EPHB1: variants seen among roughly 807,000 people sequenced by gnomAD.
The protein encoded by EPHB1 is ephrin type-B receptor 1.
Under a neutral mutation model 94.4 loss-of-function variants are expected in EPHB1, and 30 were observed. The observed-to-expected ratio is 0.32, with a 90% confidence interval of 0.24 to 0.43. The LOEUF (loss-of-function observed/expected upper bound fraction) is 0.43. Among genes scored for constraint, EPHB1 ranks in the 20% least tolerant of loss-of-function variants. The pLI, the probability that EPHB1 is intolerant of heterozygous loss-of-function variation, is 1.00. For missense variants in EPHB1, 1,055 were observed against 1,308.3 expected (o/e 0.81, Z 2.99); for synonymous variants, 522 against 489.1 (o/e 1.07, Z -0.89).
At chr3:135,108,933 C>T (rs1309456064) in intron 4 of EPHB1, among the ~76,000 whole-genome samples, 1 of 152,180 alleles carries the variant, frequency 6.6e-6, no homozygotes, top group Non-Finnish European at 1.5e-5. Flanking sequence ...TGGGAATCAC[C>T]TTCAGTGAGG....
intron 11 of EPHB1, among the ~76,000 whole-genome samples, chr3:135,198,557 G>A (rs1942680900): frequency 6.6e-6 from 1 of 152,022 alleles, no homozygotes; most frequent in Non-Finnish European, 1.5e-5. Context: ...GCTGAGTAGT[G>A]GGCTCCCCAA....
chr3:134,874,625 G>A (rs2037578870), intron 1 of EPHB1, among the ~76,000 whole-genome samples: 1 of 152,350 alleles, frequency 6.6e-6, no homozygotes, highest in East Asian at 1.9e-4. Flanking sequence ...GGGATGGTGG[G>A]TCCTTTGGCT....
intron 1 of EPHB1, 40 bp downstream of exon 1, chr3:134,795,729 G>C (rs2035811654): frequency 1.9e-6 from 3 of 1,593,592 alleles, no homozygotes; most frequent in Non-Finnish European, 2.6e-6. Context: ...TGCTGGTGCC[G>C]GCCGCCTTGG....
At chr3:134,888,706 C>CAAAAA (rs55786916) in intron 1 of EPHB1, among the ~76,000 whole-genome samples, 1 of 109,670 alleles carries the variant, frequency 9.1e-6, no homozygotes. Context: ...GACTCCATCT[C>CAAAAA]AAAAAAAAAA....
At chr3:135,065,636 C>G (rs2107779149) in intron 3 of EPHB1, among the ~76,000 whole-genome samples, 1 of 152,258 alleles carries the variant, frequency 6.6e-6, no homozygotes, top group East Asian at 1.9e-4. Context: ...GAGTTCTTAT[C>G]CATTCTGCAG....
At chr3:135,120,750 C>T (rs1157420061) in intron 4 of EPHB1, among the ~76,000 whole-genome samples, 1 of 152,218 alleles carries the variant, frequency 6.6e-6, no homozygotes, top group East Asian at 1.9e-4. Flanking sequence ...AAGCCAGTGC[C>T]TGGAAGTTAT....
chr3:134,898,352 T>C (rs1450607298), intron 1 of EPHB1, among the ~76,000 whole-genome samples: 1 of 152,180 alleles, frequency 6.6e-6, no homozygotes, highest in Non-Finnish European at 1.5e-5. Flanking sequence ...AGGATGGGGC[T>C]GAGAAGCTGA....
chr3:134,836,093 G>A (rs1258245186), intron 1 of EPHB1, among the ~76,000 whole-genome samples: 1 of 152,172 alleles, frequency 6.6e-6, no homozygotes, highest in African/African-American at 2.4e-5. Flanking sequence ...AGAGGGAGAG[G>A]ATGGGCCCTC....
chr3:134,977,743 G>C (rs1934243791), intron 3 of EPHB1, among the ~76,000 whole-genome samples: 1 of 152,150 alleles, frequency 6.6e-6, no homozygotes, highest in Non-Finnish European at 1.5e-5. Context: ...ATCATTGGGA[G>C]GATGGATTTG....
intron 9 of EPHB1, among the ~76,000 whole-genome samples, chr3:135,178,189 C>T (rs1193500372): frequency 6.8e-6 from 1 of 147,736 alleles, no homozygotes; most frequent in Non-Finnish European, 1.5e-5. Flanking sequence ...CGTGGTGACT[C>T]ACACCTGTAA....
At chr3:134,851,818 A>G (rs887907004) in intron 1 of EPHB1, among the ~76,000 whole-genome samples, 1 of 152,220 alleles carries the variant, frequency 6.6e-6, no homozygotes, top group African/African-American at 2.4e-5. Context: ...GTGCAAAATC[A>G]TGATAGCCTG....
intron 1 of EPHB1, among the ~76,000 whole-genome samples, chr3:134,808,800 C>CA (rs544068521): frequency 8.7e-4 from 132 of 152,228 alleles, no homozygotes; most frequent in African/African-American, 3.0e-3. Context: ...GCTGAATAGG[C>CA]AGATAGCAGT....
At chr3:135,065,841 A>T (rs1937573902) in intron 3 of EPHB1, among the ~76,000 whole-genome samples, 1 of 152,130 alleles carries the variant, frequency 6.6e-6, no homozygotes. Context: ...TGTTTCCAGC[A>T]TTTGTTTCAA....
At chr3:134,914,482 C>T (rs1358159753) in intron 1 of EPHB1, among the ~76,000 whole-genome samples, 1 of 152,076 alleles carries the variant, frequency 6.6e-6, no homozygotes, top group East Asian at 1.9e-4. Flanking sequence ...AAACTCACAC[C>T]CAAGGCTATC....
intron 1 of EPHB1, among the ~76,000 whole-genome samples, chr3:134,847,140 G>A (rs1305941443): frequency 6.6e-6 from 1 of 151,858 alleles, no homozygotes; most frequent in African/African-American, 2.4e-5. Context: ...CAGGATACCC[G>A]GAGGTGACTC....
chr3:135,182,563 G>T (rs754253067), intron 10 of EPHB1, among the ~76,000 whole-genome samples: 2 of 152,160 alleles, frequency 1.3e-5, no homozygotes, highest in East Asian at 1.9e-4. Flanking sequence ...ATCCACACAG[G>T]CATGTATTAT....
intron 3 of EPHB1, among the ~76,000 whole-genome samples, chr3:135,104,125 G>C (rs1263130568): frequency 5.9e-5 from 9 of 152,190 alleles, no homozygotes; most frequent in African/African-American, 1.2e-4. Flanking sequence ...ACTCTCCAGA[G>C]ACAGAGCTCC....
At chr3:134,912,705 G>C (rs2107695333) in intron 1 of EPHB1, among the ~76,000 whole-genome samples, 1 of 152,304 alleles carries the variant, frequency 6.6e-6, no homozygotes, top group East Asian at 1.9e-4. Flanking sequence ...ACCATGCCTG[G>C]GCCAGAGGGC....
intron 6 of EPHB1, among the ~76,000 whole-genome samples, chr3:135,159,885 A>G (rs1941459961): frequency 6.6e-6 from 1 of 151,816 alleles, no homozygotes. Context: ...AGTCTCCTGA[A>G]CTCCTCTAGG....
Sources: allele counts gnomAD v4.1 joint callset (sites outside exome capture counted in the v4.1 genomes callset), GRCh38; gene constraint gnomAD v4.1.1; transcripts MANE v1.5; gene names NCBI Gene and HGNC (gene_info 2026-07-23, HGNC 2026-07-21).